The following NCKAP1 variants were observed in gnomAD, a reference collection of about 807,000 sequenced individuals.
NCKAP1 encodes nck-associated protein 1.
A neutral mutation model predicts 151.2 loss-of-function variants in NCKAP1; 21 were observed. The ratio of observed to expected loss-of-function variants is 0.14; its 90% confidence interval spans 0.10 to 0.20. The LOEUF (loss-of-function observed/expected upper bound fraction) is 0.20. Among genes scored for constraint, NCKAP1 ranks in the 10% least tolerant of loss-of-function variants. The pLI is 1.00. For missense variants in NCKAP1, 933 were observed against 1,352.1 expected, an observed-to-expected ratio of 0.69 and a Z score of 4.86; for synonymous variants, 484 against 451.8, an observed-to-expected ratio of 1.07 and a Z score of -0.90.
At chr2:182,942,358 C>T (rs1375730209) in intron 23 of NCKAP1, among the ~76,000 whole-genome samples, 195 bp from the exon 24 acceptor site, 1 of 152,042 alleles carries the variant, frequency 6.6e-6, no homozygotes, top group African/African-American at 2.4e-5. Flanking sequence ...TGTTTCCCTT[C>T]AGTTTACAAA....
rs1416993831 is a variant in NCKAP1 at position 182,981,231 on chromosome 2, A to G, written c.1341+13T>C. 6.2e-7 allele frequency: 1 copy of G among 1,611,090 alleles called. No individual in the cohort carries two copies. Among genetic ancestry groups the G allele is most frequent in the East Asian group, 2.2e-5 (1 of 44,856 alleles). On this transcript the variant is annotated intron_variant, in intron 13 of 30. Coordinates refer to ENST00000361354, the MANE Select transcript of NCKAP1 (RefSeq NM_013436.5). The stretch of plus-strand genomic sequence containing the variant: ...GAAGGAACAAAAGGGAAATAGTATG[A>G]GATAGTTTTTACCTGCACGAGTTCA...
At chr2:182,950,282 T>C (rs1011009873) in intron 23 of NCKAP1, among the ~76,000 whole-genome samples, 1 of 152,166 alleles carries the variant, frequency 6.6e-6, no homozygotes, top group Non-Finnish European at 1.5e-5. Context: ...ACTGTATCCA[T>C]CAAATTAAAT....
At chr2:182,963,822 T>A (rs1697506450) in intron 17 of NCKAP1, among the ~76,000 whole-genome samples, 1 of 152,120 alleles carries the variant, frequency 6.6e-6, no homozygotes, top group Non-Finnish European at 1.5e-5. Context: ...AAATTCGTGG[T>A]ATTAATATCC....
rs574913573 is a variant in NCKAP1, at chr2:183,037,277, T to C, written c.108+715A>G. 7.7e-4 allele frequency among the ~76,000 whole-genome samples: 118 copies of C among 152,308 alleles called. 5 individuals carry two copies. The South Asian group carries it at 0.023, about 30-fold the overall frequency. On this transcript the variant is annotated intron_variant, in intron 1 of 30. Transcript: ENST00000361354. Reference sequence around the variant, plus strand: ...AGACACCGAACTTTAAGAAATGGTATTGGAAAATCTAACATGAGGAGGAGT... The same window carrying C: ...AGACACCGAACTTTAAGAAATGGTACTGGAAAATCTAACATGAGGAGGAGT...
In NCKAP1 at chr2:183,009,475, G is replaced by GAAGGAAGCAAGCAAGC. The variant is rs1485338665; in HGVS notation, c.220-6151_220-6150insGCTTGCTTGCTTCCTT. Among the ~76,000 whole-genome samples the GAAGGAAGCAAGCAAGC allele has an allele frequency of 1.2e-3, 117 of 100,252 alleles. 1 individual carries two copies. Among genetic ancestry groups the GAAGGAAGCAAGCAAGC allele is most frequent in the Middle Eastern group, 0.011 (2 of 184 alleles). 65.8% of individuals were successfully genotyped at this position (100,252 alleles called of 152,430 possible). On this transcript the variant is annotated intron_variant, in intron 2 of 30. Transcript: ENST00000361354. ...GGAAGGAAGGAAGGAAGGAAGGAAG[G>GAAGGAAGCAAGCAAGC]AAGCAAGCAAGCAAGCAGGCAAGCA...
chr2:182,999,962 T>C (rs1298791633), intron 6 of NCKAP1, among the ~76,000 whole-genome samples: 2 of 152,038 alleles, frequency 1.3e-5, no homozygotes, highest in East Asian at 1.9e-4. Context: ...TGGGTACACA[T>C]GGACACAAAG....
intron 10 of NCKAP1, among the ~76,000 whole-genome samples, chr2:182,984,482 T>C (rs1381450300): frequency 6.7e-6 from 1 of 148,206 alleles, no homozygotes; most frequent in Non-Finnish European, 1.5e-5. Flanking sequence ...GTATAAAGAA[T>C]ACACACCACT....
intron 1 of NCKAP1, among the ~76,000 whole-genome samples, chr2:183,025,957 C>T (rs1286288160): frequency 6.6e-6 from 1 of 152,162 alleles, no homozygotes; most frequent in Non-Finnish European, 1.5e-5. Context: ...GGGACTATCA[C>T]ATATAATGAA....
chr2:182,970,574 A>G lies in NCKAP1; in HGVS notation c.1483-3213T>C, dbSNP rs116599574. On this transcript the variant is annotated intron_variant, in intron 15 of 30. Coordinates refer to ENST00000361354, the MANE Select transcript of NCKAP1 (RefSeq NM_013436.5). ...AAGAAAACATAGCTCTTAAAAAACT[A>G]GGTATGGAAAAAAACATACCTCTTA... is the stretch of plus-strand genomic sequence containing the variant. Among the ~76,000 whole-genome samples the G allele has an allele frequency of 6.7e-3, 1,026 of 152,316 alleles. 13 individuals are homozygous for G. The highest frequency in any genetic ancestry group is 0.024 in the African/African-American group (983 of 41,566).
In NCKAP1 at chr2:182,925,567, T is replaced by C. The variant is rs1696626868; in HGVS notation, c.*135A>G. ...TACAACCATATTAAGAAACCAATGA[T>C]CAGAAAATACAACCGTATGAAAGAA... is the stretch of plus-strand genomic sequence containing the variant. On this transcript the variant is annotated 3_prime_UTR_variant, in exon 31 of 31. Transcript: ENST00000361354. 1 of 483,390 alleles carries C rather than the reference T, an allele frequency of 2.1e-6. No individual in the cohort carries two copies. The highest frequency in any genetic ancestry group is 3.8e-6 in the Non-Finnish European group (1 of 263,818). The allele number at this position is 483,390 out of a possible 1,614,324, so 29.9% of individuals were successfully genotyped here.
In NCKAP1 at chr2:183,002,256, T is replaced by C. The variant is rs1221930514; in HGVS notation, c.383A>G (p.Asp128Gly). The change falls in exon 5 of 31, where the codon GAT (aspartate) becomes GGT (glycine). Residue 128 changes from aspartate (D) to glycine (G), a missense_variant. Asp to Gly is a moderately conservative substitution (Grantham distance 94, BLOSUM62 -1). Coordinates refer to ENST00000361354, the MANE Select transcript of NCKAP1 (RefSeq NM_013436.5). ...TAAATCTAAGTAGTTCTTTGTTAAA[T>C]CAAAGTTTACAGTCTAGGAGAAAAA... ...QVFFDITVNF[D>G]LTKNYLDLII... 6.5e-7 allele frequency: 1 copy of C among 1,540,150 alleles called. No homozygotes were observed. Among genetic ancestry groups the C allele is most frequent in the Non-Finnish European group, 8.9e-7 (1 of 1,124,674 alleles).
chr2:183,018,409 C>T (rs747009195), intron 2 of NCKAP1, among the ~76,000 whole-genome samples: 5 of 152,060 alleles, frequency 3.3e-5, no homozygotes, highest in Non-Finnish European at 7.4e-5. Flanking sequence ...GGAGTCATGA[C>T]AAAACAAGGA....
intron 18 of NCKAP1, among the ~76,000 whole-genome samples, chr2:182,961,532 G>A (rs936003659): frequency 6.6e-6 from 1 of 152,080 alleles, no homozygotes; most frequent in Non-Finnish European, 1.5e-5. Flanking sequence ...TGAACAATGA[G>A]AACACATGGA....
intron 14 of NCKAP1, among the ~76,000 whole-genome samples, chr2:182,978,074 C>G (rs986132973): frequency 6.6e-6 from 1 of 152,050 alleles, no homozygotes; most frequent in Middle Eastern, 3.2e-3. Context: ...AAACTTTGGA[C>G]AGCATGCTGA....
chr2:182,952,712 A>C, intron 22 of NCKAP1, 81 bp downstream of exon 22: 2 of 1,397,658 alleles, frequency 1.4e-6, no homozygotes, highest in Non-Finnish European at 1.9e-6. Context: ...TCACAACAGA[A>C]TCAAAAGTCT....
At chr2:182,974,310 G>A (rs1042192454) in intron 15 of NCKAP1, among the ~76,000 whole-genome samples, 8 of 149,974 alleles carry the variant, frequency 5.3e-5, no homozygotes, top group Non-Finnish European at 7.4e-5. Flanking sequence ...AAGGGTCTGA[G>A]TGACTGCATG....
intron 8 of NCKAP1, among the ~76,000 whole-genome samples, chr2:182,989,555 C>T (rs1698125881): frequency 6.6e-6 from 1 of 151,978 alleles, no homozygotes; most frequent in Non-Finnish European, 1.5e-5. Context: ...AAAAATAAAG[C>T]TTATCTTGGG....
intron 23 of NCKAP1, among the ~76,000 whole-genome samples, chr2:182,951,636 C>CAAAAAAAAAAAAA (rs11336221): frequency 7.7e-5 from 7 of 90,780 alleles, no homozygotes; most frequent in East Asian, 3.9e-4. Flanking sequence ...GACTCCATCT[C>CAAAAAAAAAAAAA]AAAAAAAAAA....
chr2:183,032,277 T>A (rs1467036495), intron 1 of NCKAP1, among the ~76,000 whole-genome samples: 3 of 152,196 alleles, frequency 2.0e-5, no homozygotes, highest in African/African-American at 7.2e-5. Flanking sequence ...CAGAATATTC[T>A]GCAAGTACGG....
Sources: allele counts gnomAD v4.1 joint callset (sites outside exome capture counted in the v4.1 genomes callset), GRCh38; gene constraint gnomAD v4.1.1; transcripts MANE v1.5; gene names NCBI Gene and HGNC (gene_info 2026-07-23, HGNC 2026-07-21).